Variants in RELN observed in about 807,000 individuals in gnomAD.
The protein encoded by RELN is reelin.
Under a neutral mutation model 427.6 loss-of-function variants are expected in RELN, and 108 were observed. The observed-to-expected ratio is 0.25, with a 90% CI of 0.22 to 0.30. The LOEUF is 0.30. Ranked by LOEUF, RELN falls within the 10% of genes least tolerant of loss-of-function variation. The pLI is 1.00. For missense variants in RELN, 3,715 were observed against 4,302.8 expected (o/e 0.86, Z 3.82); for synonymous variants, 1,524 against 1,513.4 (o/e 1.01, Z -0.16).
intron 11 of RELN, among the ~76,000 whole-genome samples, chr7:103,681,325 T>C (rs960108740): frequency 6.6e-6 from 1 of 152,212 alleles, no homozygotes; most frequent in Non-Finnish European, 1.5e-5. Flanking sequence ...ACCTCAAATG[T>C]TGTATTATGG....
rs1159455197 is a variant in RELN, at chr7:103,924,649, C to T, written c.227-7464G>A. 3.3e-5 allele frequency among the ~76,000 whole-genome samples: 5 copies of T among 152,108 alleles called. No individual in the cohort carries two copies. In the East Asian group the frequency reaches 9.7e-4, roughly 29 times the overall value. ...GGAGGGGTACAGCATCTCTGTGGAA[C>T]GCTATTATGATATACTTATTACTGA... On this transcript the variant is annotated intron_variant, in intron 1 of 64. Coordinates refer to ENST00000428762, the MANE Select transcript of RELN (RefSeq NM_005045.4).
chr7:103,549,554 C>T (rs913367211), intron 41 of RELN, among the ~76,000 whole-genome samples: 5 of 152,136 alleles, frequency 3.3e-5, no homozygotes, highest in Admixed American at 2.0e-4. Context: ...CATGGTTTTT[C>T]GACAGCTATG....
At chr7:103,642,394 G>A (rs1054467320) in intron 16 of RELN, among the ~76,000 whole-genome samples, 1 of 144,900 alleles carries the variant, frequency 6.9e-6, no homozygotes, top group Non-Finnish European at 1.5e-5. Context: ...TTTCTCTTGG[G>A]AAGGAGTATG....
intron 1 of RELN, among the ~76,000 whole-genome samples, chr7:103,922,978 T>C (rs923592940): frequency 6.6e-6 from 1 of 152,164 alleles, no homozygotes; most frequent in African/African-American, 2.4e-5. Flanking sequence ...GCAAAAAAAT[T>C]GAAATTAGGT....
At chr7:103,700,654 C>G (rs910737348) in intron 9 of RELN, among the ~76,000 whole-genome samples, 1 of 152,058 alleles carries the variant, frequency 6.6e-6, no homozygotes, top group African/African-American at 2.4e-5. Flanking sequence ...GCTATGATTG[C>G]AAATTTACTT....
chr7:103,661,587 A>G (rs2117413523), intron 11 of RELN, 60 bp from the exon 12 acceptor site: 1 of 1,498,676 alleles, frequency 6.7e-7, no homozygotes, highest in Non-Finnish European at 9.2e-7. Flanking sequence ...CTTTATAAAG[A>G]ATAACATTTA....
At chr7:103,938,295 A>C (rs1046091813) in intron 1 of RELN, among the ~76,000 whole-genome samples, 2 of 151,872 alleles carry the variant, frequency 1.3e-5, no homozygotes, top group Non-Finnish European at 2.9e-5. Context: ...ACTCCATCTC[A>C]AAAAAAGAAA....
chr7:103,956,683 G>A (rs1282128105), intron 1 of RELN, among the ~76,000 whole-genome samples: 2 of 152,144 alleles, frequency 1.3e-5, no homozygotes, highest in African/African-American at 2.4e-5. Context: ...GGGGTTATTA[G>A]CAAGGATTTA....
In RELN at chr7:103,574,117, C is replaced by T; in HGVS notation, c.4486G>A (p.Val1496Ile). The T allele has an allele frequency of 6.2e-7, 1 of 1,614,082 alleles. No homozygotes were observed. Among genetic ancestry groups the T allele is most frequent in the Non-Finnish European group, 8.5e-7 (1 of 1,179,960 alleles). ...NGPGKREART[V>I]PLDTRNIRLV... ...CTGATATTCCTGGTGTCCAGAGGGA[C>T]CGTCCGGGCTTCCCTTTTCCCAGGG... Residue 1496 changes from valine to isoleucine, a missense_variant, in exon 30 of 65, where the codon GTC (valine) becomes ATC (isoleucine). Coordinates refer to ENST00000428762, the MANE Select transcript of RELN (RefSeq NM_005045.4).
chr7:103,516,146 A>G (rs1008840162), intron 49 of RELN, among the ~76,000 whole-genome samples: 2 of 152,328 alleles, frequency 1.3e-5, no homozygotes, highest in East Asian at 3.9e-4. Flanking sequence ...TTAGCTAGAA[A>G]TAAGGTCTAA....
At chr7:103,628,722 G>A (rs1832384130) in intron 20 of RELN, among the ~76,000 whole-genome samples, 1 of 152,180 alleles carries the variant, frequency 6.6e-6, no homozygotes, top group Non-Finnish European at 1.5e-5. Context: ...TTCATCTGAA[G>A]GAATTAAATT....
chr7:103,588,041 T>C (rs1831318487), intron 28 of RELN, among the ~76,000 whole-genome samples: 1 of 152,198 alleles, frequency 6.6e-6, no homozygotes, highest in Non-Finnish European at 1.5e-5. Context: ...ACTGGGTGTC[T>C]ACCCAAAGAA....
intron 2 of RELN, among the ~76,000 whole-genome samples, chr7:103,880,090 A>G (rs879708343): frequency 3.3e-5 from 5 of 151,998 alleles, no homozygotes; most frequent in Admixed American, 2.0e-4. Context: ...ATTCTGCCCA[A>G]CAGTAGCCAA....
chr7:103,773,735 G>A (rs183599061), intron 4 of RELN, among the ~76,000 whole-genome samples: 1 of 151,946 alleles, frequency 6.6e-6, no homozygotes, highest in African/African-American at 2.4e-5. Context: ...CTCCCAAAGT[G>A]CTGGGATTAC....
chr7:103,630,632 C>T (rs1832432042), intron 19 of RELN, among the ~76,000 whole-genome samples: 1 of 152,096 alleles, frequency 6.6e-6, no homozygotes, highest in South Asian at 2.1e-4. Context: ...TTTCCAGGAG[C>T]GATTATTGTA....
chr7:103,812,752 C>G lies in RELN; in HGVS notation c.473+20785G>C, dbSNP rs537634273. ...CAGCAAAGAGTGTTTATCTGATCCT[C>G]TATGCAGAATCTCAATACAAGAATA... On this transcript the variant is annotated intron_variant, in intron 3 of 64. Coordinates refer to ENST00000428762, the MANE Select transcript of RELN (RefSeq NM_005045.4). Among the ~76,000 whole-genome samples the G allele has an allele frequency of 5.3e-5, 8 of 152,314 alleles. No homozygotes were observed. The East Asian group carries it at 1.5e-3, about 29-fold the overall frequency.
At chr7:103,854,515 C>T (rs901660730) in intron 2 of RELN, among the ~76,000 whole-genome samples, 2 of 152,058 alleles carry the variant, frequency 1.3e-5, no homozygotes, top group Admixed American at 6.6e-5. Context: ...AAACAAATGG[C>T]TACAATTGCT....
At chr7:103,937,638 A>G (rs1275417962) in intron 1 of RELN, among the ~76,000 whole-genome samples, 4 of 152,250 alleles carry the variant, frequency 2.6e-5, no homozygotes, top group Non-Finnish European at 5.9e-5. Context: ...TAACAGGTAA[A>G]ACTCAGCTAA....
At position 103,921,828 on chromosome 7, in the gene RELN, C is replaced by T. The variant is rs574596482; in HGVS notation, c.227-4643G>A. Among the ~76,000 whole-genome samples, 56 of 144,204 alleles carry T rather than the reference C, an allele frequency of 3.9e-4. 1 individual carries two copies. In the South Asian group the frequency reaches 6.3e-3, roughly 16 times the overall value. 94.6% of individuals were successfully genotyped at this position (144,204 alleles called of 152,430 possible). On this transcript the variant is annotated intron_variant, in intron 1 of 64. Coordinates refer to ENST00000428762, the MANE Select transcript of RELN (RefSeq NM_005045.4). The stretch of plus-strand genomic sequence containing the variant: ...CAGAACACGTTCTATACTTCTCTGC[C>T]TCCTGGCCTCTGCTCTTACCTAGAA...
Sources: gnomAD v4.1 joint callset for allele counts (sites outside exome capture counted in the v4.1 genomes callset) on GRCh38, gnomAD v4.1.1 for gene constraint, MANE v1.5 for transcripts, NCBI Gene and HGNC (gene_info 2026-07-23, HGNC 2026-07-21) for gene names.